Variants in PALLD observed in about 807,000 individuals in gnomAD.
PALLD encodes the protein palladin.
A neutral mutation model predicts 123.5 loss-of-function variants in PALLD; 61 were observed. The observed-to-expected ratio is 0.49, with a 90% CI of 0.40 to 0.61. PALLD has a LOEUF of 0.61. Among genes scored for constraint, PALLD ranks in the 20% least tolerant of loss-of-function variants. The probability of loss-of-function intolerance (pLI) is 0.00; values close to 1 mark genes in which losing one functional copy is unlikely to be tolerated. For synonymous variants in PALLD, 465 were observed against 496.4 expected (o/e 0.94, Z 0.84); for missense variants, 1,273 against 1,377.0 (o/e 0.92, Z 1.20).
intron 2 of PALLD, among the ~76,000 whole-genome samples, chr4:168,533,297 T>C (rs973182732): frequency 1.6e-4 from 25 of 152,218 alleles, no homozygotes; most frequent in African/African-American, 6.0e-4. Flanking sequence ...GCAAAGAGAC[T>C]AGACGCTGTT....
chr4:168,908,684 T>C (rs1371855296), intron 15 of PALLD, among the ~76,000 whole-genome samples: 1 of 152,136 alleles, frequency 6.6e-6, no homozygotes, highest in African/African-American at 2.4e-5. Context: ...AGAATACATG[T>C]ATGTTTTCTA....
intron 2 of PALLD, among the ~76,000 whole-genome samples, chr4:168,651,093 AG>A (rs899547504): frequency 5.3e-5 from 8 of 152,200 alleles, no homozygotes; most frequent in African/African-American, 1.9e-4. Flanking sequence ...AGAAGGCAAA[AG>A]GTTCAAGAAT....
intron 10 of PALLD, among the ~76,000 whole-genome samples, chr4:168,721,076 A>G (rs1314808334): frequency 6.6e-6 from 1 of 152,254 alleles, no homozygotes; most frequent in Admixed American, 6.5e-5. Flanking sequence ...AATTGGAAAT[A>G]CTTGCAGATA....
At chr4:168,546,719 C>T (rs1207609200) in intron 2 of PALLD, among the ~76,000 whole-genome samples, 3 of 152,192 alleles carry the variant, frequency 2.0e-5, no homozygotes, top group Admixed American at 1.3e-4. Context: ...CGGTTTGTCA[C>T]TGTCCCACTT....
chr4:168,538,281 C>CAG (rs1765276821), intron 2 of PALLD, among the ~76,000 whole-genome samples: 3 of 152,178 alleles, frequency 2.0e-5, no homozygotes, highest in Middle Eastern at 3.4e-3. Flanking sequence ...CAATCCACTT[C>CAG]CTTTTTTCTA....
intron 3 of PALLD, among the ~76,000 whole-genome samples, chr4:168,676,018 G>A (rs1383166937): frequency 4.6e-5 from 7 of 152,120 alleles, no homozygotes; most frequent in Middle Eastern, 3.2e-3. Context: ...TGGCACCACC[G>A]CACTCCAGCT....
At chr4:168,824,033 C>T (rs1394388553) in intron 10 of PALLD, among the ~76,000 whole-genome samples, 9 of 152,164 alleles carry the variant, frequency 5.9e-5, no homozygotes, top group Non-Finnish European at 1.2e-4. Flanking sequence ...ATAATGTTGC[C>T]ACCTATAAGC....
At chr4:168,683,677 A>T (rs1050143232) in intron 5 of PALLD, among the ~76,000 whole-genome samples, 23 of 132,754 alleles carry the variant, frequency 1.7e-4, no homozygotes, top group South Asian at 2.9e-4. Flanking sequence ...AACTTCTTTT[A>T]AAAAAAAAAG....
chr4:168,717,351 G>GT (rs200590558), intron 10 of PALLD, among the ~76,000 whole-genome samples: 2,897 of 150,140 alleles, frequency 0.019, 68 homozygotes, highest in African/African-American at 0.055. Context: ...TTGTTTTTTT[G>GT]TTTTTTTTTG....
intron 10 of PALLD, among the ~76,000 whole-genome samples, chr4:168,759,244 TAG>T (rs1732477231): frequency 1.9e-5 from 2 of 105,774 alleles, no homozygotes; most frequent in Non-Finnish European, 3.6e-5. Flanking sequence ...TATATATATA[TAG>T]AAACAATATA....
chr4:168,599,900 T>TCA (rs10546577), intron 2 of PALLD, among the ~76,000 whole-genome samples: 37 of 151,848 alleles, frequency 2.4e-4, no homozygotes, highest in African/African-American at 7.2e-4. Context: ...TGTGTGTATA[T>TCA]CACACACACA....
At chr4:168,739,434 A>C (rs1788107658) in intron 10 of PALLD, among the ~76,000 whole-genome samples, 1 of 152,228 alleles carries the variant, frequency 6.6e-6, no homozygotes, top group Admixed American at 6.5e-5. Flanking sequence ...TTTTGGAGGA[A>C]GATAAAGAGA....
chr4:168,712,500 A>G (rs1023731489), intron 10 of PALLD, among the ~76,000 whole-genome samples: 16 of 152,196 alleles, frequency 1.1e-4, no homozygotes, highest in African/African-American at 3.6e-4. Flanking sequence ...TTCCATGAAT[A>G]CCATCTTCAC....
At chr4:168,759,698 A>G (rs1732549692) in intron 10 of PALLD, among the ~76,000 whole-genome samples, 1 of 152,180 alleles carries the variant, frequency 6.6e-6, no homozygotes, top group Admixed American at 6.5e-5. Flanking sequence ...AGTGACTGAA[A>G]TTCTAATCCT....
intron 2 of PALLD, among the ~76,000 whole-genome samples, chr4:168,606,952 A>C (rs1773240935): frequency 1.3e-5 from 2 of 152,242 alleles, no homozygotes; most frequent in African/African-American, 4.8e-5. Context: ...CCAAAATTTA[A>C]GATGTAAACA....
chr4:168,512,151 G>A lies in PALLD; in HGVS notation c.647G>A (p.Ser216Asn), dbSNP rs757199423. The A allele has an allele frequency of 2.5e-6, 4 of 1,614,062 alleles. No individual in the cohort carries two copies. Among genetic ancestry groups the A allele is most frequent in the African/African-American group, 2.7e-5 (2 of 74,932 alleles). ...SPKNQPSALLSASASQSPMED... is the reference protein window; with the variant it reads ...SPKNQPSALLNASASQSPMED... ...AAAAATCAGCCGTCAGCCCTGCTGA[G>A]TGCCTCAGCCAGCCAGAGCCCTATG... The change falls in exon 2 of 22, where the codon AGT becomes AAT. Residue 216 changes from serine (S) to asparagine (N), a missense_variant. Physicochemically the swap from Ser to Asn is conservative, Grantham distance 46. Around this residue, in one of 2 missense-constraint regions of PALLD, gnomAD observed 944 missense variants for 954.5 expected, o/e 0.99. Coordinates refer to ENST00000505667, the MANE Select transcript of PALLD (RefSeq NM_001166108.2).
At chr4:168,583,732 C>A (rs1770524533) in intron 2 of PALLD, among the ~76,000 whole-genome samples, 1 of 152,146 alleles carries the variant, frequency 6.6e-6, no homozygotes, top group African/African-American at 2.4e-5. Flanking sequence ...CTTGGGATAT[C>A]TGTGATAATA....
intron 10 of PALLD, among the ~76,000 whole-genome samples, chr4:168,889,363 C>T (rs1348830487): frequency 6.6e-6 from 1 of 151,838 alleles, no homozygotes; most frequent in African/African-American, 2.4e-5. Context: ...GGGGTTTTAC[C>T]ATGTTGGCCA....
intron 10 of PALLD, among the ~76,000 whole-genome samples, chr4:168,778,116 A>G (rs1485440112): frequency 1.3e-5 from 2 of 152,242 alleles, no homozygotes; most frequent in Non-Finnish European, 2.9e-5. Flanking sequence ...AACCAAAGGC[A>G]GGACAGCTTT....
Sources: allele counts gnomAD v4.1 joint callset (sites outside exome capture counted in the v4.1 genomes callset), GRCh38; gene constraint gnomAD v4.1.1; regional missense constraint gnomAD v4.1.1; transcripts MANE v1.5; gene names NCBI Gene and HGNC (gene_info 2026-07-23, HGNC 2026-07-21).